Variants in DNAAF11 observed in about 807,000 individuals in gnomAD.
DNAAF11 encodes the protein leucine rich repeat containing 6.
DNAAF11 carries 45 observed loss-of-function variants against 60.8 expected under a neutral mutation model. That is an observed-to-expected ratio of 0.74 (90% CI 0.58 to 0.95). The LOEUF (loss-of-function observed/expected upper bound fraction) is 0.95. Among genes scored for constraint, DNAAF11 ranks in the 40% least tolerant of loss-of-function variants. The pLI is 0.00. For missense variants in DNAAF11, 546 were observed against 546.2 expected (o/e 1.00, Z 0.00); for synonymous variants, 191 against 183.5 (o/e 1.04, Z -0.33).
the DNAAF11 span, among the ~76,000 whole-genome samples, chr8:132,694,046 A>T: frequency 6.6e-6 from 1 of 152,348 alleles, no homozygotes; most frequent in African/African-American, 2.4e-5. Flanking sequence ...CTCTAGGAGC[A>T]AAGATCAGAA....
chr8:132,693,924 C>G, the DNAAF11 span, among the ~76,000 whole-genome samples: 1 of 152,160 alleles, frequency 6.6e-6, no homozygotes, highest in African/African-American at 2.4e-5. Flanking sequence ...GCTTTGAGAA[C>G]TTTGGCTTTT....
At chr8:132,600,918 C>T (rs1333746778) in intron 10 of DNAAF11, among the ~76,000 whole-genome samples, 1 of 152,130 alleles carries the variant, frequency 6.6e-6, no homozygotes, top group Non-Finnish European at 1.5e-5. Flanking sequence ...CCAAAATTGA[C>T]AAATGGGATC....
In DNAAF11 at chr8:132,675,471, G is replaced by C; in HGVS notation, c.10+13C>G. 1 of 1,565,526 alleles carries C rather than the reference G, an allele frequency of 6.4e-7. No individual in the cohort carries two copies. On this transcript the variant is annotated intron_variant, in intron 1 of 11. Transcript: ENST00000620350. ...GGGGAACGATCGAGGACGGAAGGTG[G>C]AGGGGGGCTTACTCCAGCCCATGGC... is the stretch of plus-strand genomic sequence containing the variant.
At chr8:132,700,678 A>G in the DNAAF11 span, among the ~76,000 whole-genome samples, 1 of 152,186 alleles carries the variant, frequency 6.6e-6, no homozygotes, top group Non-Finnish European at 1.5e-5. Flanking sequence ...TAGGTGACAG[A>G]GGGAGATCCT....
intron 10 of DNAAF11, among the ~76,000 whole-genome samples, chr8:132,592,458 C>G (rs1369100264): frequency 6.6e-6 from 1 of 152,104 alleles, no homozygotes; most frequent in Non-Finnish European, 1.5e-5. Flanking sequence ...GTTCTATATT[C>G]CTAGTGTATG....
At chr8:132,696,525 G>T in the DNAAF11 span, among the ~76,000 whole-genome samples, 1 of 152,136 alleles carries the variant, frequency 6.6e-6, no homozygotes, top group African/African-American at 2.4e-5. Context: ...TCCATCAATT[G>T]GTGAATGGAT....
At chr8:132,604,542 GGCA>G (rs1275406267) in intron 10 of DNAAF11, among the ~76,000 whole-genome samples, 12 of 152,264 alleles carry the variant, frequency 7.9e-5, no homozygotes, top group African/African-American at 2.9e-4. Flanking sequence ...GAATTGAGAT[GGCA>G]GTTTAATTTA....
At chr8:132,611,859 A>G (rs1818702168) in intron 8 of DNAAF11, among the ~76,000 whole-genome samples, 1 of 152,162 alleles carries the variant, frequency 6.6e-6, no homozygotes, top group African/African-American at 2.4e-5. Context: ...TGAATAAGCA[A>G]ACCCTTCTGT....
At chr8:132,647,621 C>T (rs1205656973) in intron 3 of DNAAF11, among the ~76,000 whole-genome samples, 3 of 152,064 alleles carry the variant, frequency 2.0e-5, no homozygotes, top group East Asian at 1.9e-4. Context: ...ACTAGCAACA[C>T]TAATACAGAA....
At chr8:132,624,100 C>A (rs1820017905) in intron 6 of DNAAF11, among the ~76,000 whole-genome samples, 1 of 152,062 alleles carries the variant, frequency 6.6e-6, no homozygotes, top group South Asian at 2.1e-4. Flanking sequence ...TTTCTACATA[C>A]CCACAGATAT....
chr8:132,695,113 G>T, the DNAAF11 span, among the ~76,000 whole-genome samples: 1 of 152,172 alleles, frequency 6.6e-6, no homozygotes, highest in Admixed American at 6.5e-5. Flanking sequence ...TGGGCTACTT[G>T]CATGGACGGT....
At chr8:132,698,097 G>A in the DNAAF11 span, among the ~76,000 whole-genome samples, 36 of 152,150 alleles carry the variant, frequency 2.4e-4, 1 homozygote, top group Admixed American at 6.5e-5. Flanking sequence ...TTGACCTCAA[G>A]CAAGTGACTC....
At chr8:132,690,256 G>A in the DNAAF11 span, among the ~76,000 whole-genome samples, 2 of 152,006 alleles carry the variant, frequency 1.3e-5, no homozygotes, top group Admixed American at 6.6e-5. Context: ...CCCACATGTC[G>A]AGGAAGGGAG....
intron 10 of DNAAF11, among the ~76,000 whole-genome samples, chr8:132,584,103 A>G (rs1041382697): frequency 2.6e-5 from 4 of 152,110 alleles, no homozygotes; most frequent in African/African-American, 9.7e-5. Context: ...TTGGGGATAC[A>G]GATGTGATGG....
intron 7 of DNAAF11, among the ~76,000 whole-genome samples, chr8:132,617,368 T>C (rs4480107): frequency 0.6 from 90,605 of 151,944 alleles, 29,609 homozygotes; most frequent in African/African-American, 0.89. Context: ...AAATCAGAAG[T>C]AAAGGGAAGA....
At chr8:132,608,615 T>A (rs967468881) in intron 10 of DNAAF11, 2 of 328,972 alleles carry the variant, frequency 6.1e-6, no homozygotes, top group Non-Finnish European at 1.3e-5. Flanking sequence ...GAGTCTCTAT[T>A]TAATCTTTGG....
chr8:132,608,449 T>C (rs1391851008), intron 10 of DNAAF11: 2 of 444,504 alleles, frequency 4.5e-6, no homozygotes, highest in Non-Finnish European at 9.1e-6. Flanking sequence ...ATGTGAAAAA[T>C]TTAGACAGAT....
chr8:132,582,187 T>G (rs1325124511), intron 11 of DNAAF11, among the ~76,000 whole-genome samples: 3 of 152,188 alleles, frequency 2.0e-5, no homozygotes, highest in African/African-American at 7.2e-5. Context: ...GAAGCTGGGA[T>G]AACGTGCACA....
rs187534861 is a variant in DNAAF11, at chr8:132,666,306, C to A, written c.11-4679G>T. Reference sequence around the variant, plus strand: ...AGGACGATATTGAAAGTTTCCAACACAAAGAAATGATAAATGTTTTAGATA... The same window carrying A: ...AGGACGATATTGAAAGTTTCCAACAAAAAGAAATGATAAATGTTTTAGATA... On this transcript the variant is annotated intron_variant, in intron 1 of 11. Coordinates refer to ENST00000620350, the MANE Select transcript of DNAAF11 (RefSeq NM_012472.6). Among the ~76,000 whole-genome samples, 101 of 152,142 alleles carry A rather than the reference C, an allele frequency of 6.6e-4. 2 individuals carry two copies. Among genetic ancestry groups the A allele is most frequent in the African/African-American group, 2.3e-3 (94 of 41,496 alleles).
Sources: allele counts gnomAD v4.1 joint callset (sites outside exome capture counted in the v4.1 genomes callset), GRCh38; gene constraint gnomAD v4.1.1; transcripts MANE v1.5; gene names NCBI Gene and HGNC (gene_info 2026-07-23, HGNC 2026-07-21).